Variants in TENM2 observed in about 807,000 individuals in gnomAD.
TENM2 encodes teneurin transmembrane protein 2.
Under a neutral mutation model 245.2 loss-of-function variants are expected in TENM2, and 52 were observed. The ratio of observed to expected loss-of-function variants is 0.21; its 90% CI spans 0.17 to 0.27. The LOEUF (loss-of-function observed/expected upper bound fraction) is 0.27. TENM2 is among the 10% of genes least tolerant of loss of function. The pLI, the probability that TENM2 is intolerant of heterozygous loss-of-function variation, is 1.00. For synonymous variants in TENM2, 1,363 were observed against 1,438.9 expected, an observed-to-expected ratio of 0.95 and a Z score of 1.19; for missense variants, 3,046 against 3,666.8, an observed-to-expected ratio of 0.83 and a Z score of 4.37.
intron 2 of TENM2, among the ~76,000 whole-genome samples, chr5:167,742,952 G>T (rs1244368214): frequency 6.7e-6 from 1 of 149,658 alleles, no homozygotes; most frequent in Admixed American, 6.8e-5. Context: ...TGGGTGCTGG[G>T]TGACAGAGTG....
intron 5 of TENM2, among the ~76,000 whole-genome samples, chr5:168,029,411 A>G (rs959828985): frequency 6.6e-6 from 1 of 152,176 alleles, no homozygotes; most frequent in East Asian, 1.9e-4. Context: ...ATCCTATGCT[A>G]GTATGTAGCT....
chr5:168,237,771 G>A (rs1039031151), intron 25 of TENM2, among the ~76,000 whole-genome samples: 1 of 151,682 alleles, frequency 6.6e-6, no homozygotes, highest in Non-Finnish European at 1.5e-5. Context: ...TAAATTTATA[G>A]CAAGTTGTTT....
intron 2 of TENM2, among the ~76,000 whole-genome samples, chr5:167,566,369 A>G (rs1045105460): frequency 3.3e-5 from 5 of 152,096 alleles, no homozygotes; most frequent in Non-Finnish European, 5.9e-5. Context: ...CACATTACAT[A>G]TTTTAGTGCA....
At chr5:167,615,290 G>C (rs78566466) in intron 2 of TENM2, among the ~76,000 whole-genome samples, 1 of 152,084 alleles carries the variant, frequency 6.6e-6, no homozygotes, top group Non-Finnish European at 1.5e-5. Context: ...GTGGTGGGCA[G>C]TAAATATTAC....
intron 27 of TENM2, among the ~76,000 whole-genome samples, chr5:168,258,003 TCG>T (rs1444691955): frequency 1.3e-4 from 20 of 152,152 alleles, no homozygotes; most frequent in African/African-American, 4.8e-4. Context: ...TAGACATCCC[TCG>T]GGAGGTGCTG....
At chr5:167,652,965 A>T (rs2150294593) in intron 2 of TENM2, among the ~76,000 whole-genome samples, 2 of 152,314 alleles carry the variant, frequency 1.3e-5, no homozygotes, top group Middle Eastern at 6.8e-3. Context: ...TCAGAGTCTA[A>T]TGCAACCTGA....
rs148641916 is a variant in TENM2, at chr5:168,195,395, G to A, written c.2900+100G>A. On this transcript the variant is annotated intron_variant, in intron 15 of 28. Transcript: ENST00000518659. ...TGGAACCACAGGATTCCCCCTGGTG[G>A]ACTGGAATGTCCACCAGGCCTGTCC... 4.7e-4 allele frequency: 659 copies of A among 1,403,594 alleles called. 5 individuals are homozygous for A. In the African/African-American group the frequency reaches 8.1e-3, roughly 17 times the overall value. The allele number at this position is 1,403,594 out of a possible 1,614,324, so 86.9% of individuals were successfully genotyped here.
intron 3 of TENM2, among the ~76,000 whole-genome samples, chr5:167,880,184 C>T (rs937829632): frequency 2.6e-5 from 4 of 151,980 alleles, no homozygotes; most frequent in African/African-American, 9.7e-5. Flanking sequence ...AGGTGCACAC[C>T]ACCATACTTG....
At chr5:167,736,646 C>T (rs978879710) in intron 2 of TENM2, among the ~76,000 whole-genome samples, 9 of 147,984 alleles carry the variant, frequency 6.1e-5, no homozygotes, top group Non-Finnish European at 1.3e-4. Flanking sequence ...GTTGGATTAG[C>T]AGCCAGTCAC....
intron 2 of TENM2, among the ~76,000 whole-genome samples, chr5:167,861,772 C>G (rs770438114): frequency 6.6e-6 from 1 of 152,202 alleles, no homozygotes; most frequent in Non-Finnish European, 1.5e-5. Context: ...ATTTGTATCT[C>G]GCTGAGCCTG....
intron 2 of TENM2, among the ~76,000 whole-genome samples, chr5:167,492,358 C>T (rs1026656227): frequency 4.6e-5 from 7 of 152,018 alleles, no homozygotes; most frequent in Non-Finnish European, 1.0e-4. Flanking sequence ...TATACAATGA[C>T]ATTATTAAAA....
At chr5:167,990,995 TA>T (rs895963771) in intron 4 of TENM2, among the ~76,000 whole-genome samples, 20 of 152,058 alleles carry the variant, frequency 1.3e-4, no homozygotes, top group Non-Finnish European at 2.2e-4. Flanking sequence ...TGGATGTAAA[TA>T]AAAAAATTTT....
the TENM2 span, among the ~76,000 whole-genome samples, chr5:166,983,901 G>A: frequency 6.6e-6 from 1 of 151,968 alleles, no homozygotes; most frequent in Non-Finnish European, 1.5e-5. Flanking sequence ...ACAGGTTTTT[G>A]GAACATAAAT....
chr5:167,207,719 T>G, the TENM2 span, among the ~76,000 whole-genome samples: 1 of 152,190 alleles, frequency 6.6e-6, no homozygotes, highest in Non-Finnish European at 1.5e-5. Context: ...TTCTAAAATG[T>G]AAAGGGCTGC....
At chr5:167,199,843 C>A in the TENM2 span, among the ~76,000 whole-genome samples, 1 of 152,140 alleles carries the variant, frequency 6.6e-6, no homozygotes, top group Non-Finnish European at 1.5e-5. Context: ...GCTGATGGAA[C>A]ATTTTGTTGT....
At chr5:168,008,771 A>C (rs1284526545) in intron 5 of TENM2, among the ~76,000 whole-genome samples, 1 of 152,238 alleles carries the variant, frequency 6.6e-6, no homozygotes, top group Admixed American at 6.5e-5. Flanking sequence ...CTGAAAAATT[A>C]AAAATTAACC....
intron 4 of TENM2, among the ~76,000 whole-genome samples, chr5:167,986,186 C>A (rs561898449): frequency 6.6e-6 from 1 of 152,326 alleles, no homozygotes; most frequent in East Asian, 1.9e-4. Flanking sequence ...TCTTTGCTGT[C>A]ACGTAAAGGA....
chr5:167,651,364 G>C (rs1429467432), intron 2 of TENM2, among the ~76,000 whole-genome samples: 1 of 151,744 alleles, frequency 6.6e-6, no homozygotes. Flanking sequence ...GGAAATTAGT[G>C]TGCAAGGTAT....
intron 2 of TENM2, among the ~76,000 whole-genome samples, chr5:167,547,087 T>C (rs1166280982): frequency 2.0e-5 from 3 of 152,108 alleles, no homozygotes; most frequent in Non-Finnish European, 4.4e-5. Context: ...TGGAATCTTA[T>C]TATTATTATT....
Sources: allele counts gnomAD v4.1 joint callset (sites outside exome capture counted in the v4.1 genomes callset), GRCh38; gene constraint gnomAD v4.1.1; transcripts MANE v1.5; gene names NCBI Gene and HGNC (gene_info 2026-07-23, HGNC 2026-07-21).